Variants in KCNIP4 observed in about 807,000 individuals in gnomAD.
KCNIP4 encodes potassium voltage-gated channel interacting protein 4, also known as Kv channel-interacting protein 4.
Under a neutral mutation model 34.0 loss-of-function variants are expected in KCNIP4, and 12 were observed. That is an observed-to-expected ratio of 0.35 (90% CI 0.23 to 0.57). KCNIP4 has a LOEUF of 0.57. Ranked by LOEUF, KCNIP4 falls within the 20% of genes least tolerant of loss-of-function variation. KCNIP4 has a pLI of 0.83. For missense variants in KCNIP4, 238 were observed against 311.7 expected, an observed-to-expected ratio of 0.76 and a Z score of 1.78; for synonymous variants, 124 against 102.2, an observed-to-expected ratio of 1.21 and a Z score of -1.29.
chr4:21,073,301 T>G (rs1745153749), intron 1 of KCNIP4, among the ~76,000 whole-genome samples: 1 of 152,222 alleles, frequency 6.6e-6, no homozygotes, highest in African/African-American at 2.4e-5. Flanking sequence ...TTCCATTATT[T>G]GTATCCTCTT....
intron 1 of KCNIP4, among the ~76,000 whole-genome samples, chr4:21,815,634 A>T (rs1430009195): frequency 6.6e-6 from 1 of 152,170 alleles, no homozygotes; most frequent in Non-Finnish European, 1.5e-5. Flanking sequence ...AGACAGAAAA[A>T]AAATTGCTAT....
chr4:21,589,677 C>T (rs189560935), intron 1 of KCNIP4, among the ~76,000 whole-genome samples: 1 of 151,938 alleles, frequency 6.6e-6, no homozygotes, highest in Non-Finnish European at 1.5e-5. Flanking sequence ...CTTTAATTCT[C>T]TCTTATAGTC....
chr4:20,892,114 A>C (rs1725980005), intron 1 of KCNIP4, among the ~76,000 whole-genome samples: 1 of 152,174 alleles, frequency 6.6e-6, no homozygotes, highest in South Asian at 2.1e-4. Flanking sequence ...GAATATGAGG[A>C]AAATACCTAC....
chr4:21,444,706 A>C (rs1029037761), intron 1 of KCNIP4, among the ~76,000 whole-genome samples: 3 of 152,222 alleles, frequency 2.0e-5, no homozygotes, highest in Non-Finnish European at 4.4e-5. Flanking sequence ...TTCCCTTTGA[A>C]AACTGGCACA....
At chr4:21,059,610 G>A (rs1743738104) in intron 1 of KCNIP4, among the ~76,000 whole-genome samples, 1 of 152,032 alleles carries the variant, frequency 6.6e-6, no homozygotes, top group African/African-American at 2.4e-5. Flanking sequence ...TTACTGATCT[G>A]GGCCTGCTAT....
intron 1 of KCNIP4, among the ~76,000 whole-genome samples, chr4:21,052,798 A>G (rs1260667778): frequency 6.6e-6 from 1 of 152,100 alleles, no homozygotes; most frequent in African/African-American, 2.4e-5. Context: ...TGTGACCATC[A>G]CTGACTTGGC....
intron 1 of KCNIP4, among the ~76,000 whole-genome samples, chr4:21,396,162 A>T (rs546009004): frequency 3.2e-4 from 49 of 151,920 alleles, no homozygotes; most frequent in African/African-American, 1.2e-3. Flanking sequence ...TATAGTCTAT[A>T]TATACATATA....
chr4:21,225,152 C>G (rs1029403357), intron 1 of KCNIP4, among the ~76,000 whole-genome samples: 3 of 151,922 alleles, frequency 2.0e-5, no homozygotes, highest in African/African-American at 7.3e-5. Flanking sequence ...GGGGCATAAC[C>G]CTATTGTAAA....
In KCNIP4 at chr4:21,859,824, T is replaced by G. The variant is rs370403842; in HGVS notation, c.61+88747A>C. ...TGAGAAGATCGCTTGAGCCCGGGAG[T>G]TGGAGACTAGCCAGGCAACAGAGTG... On this transcript the variant is annotated intron_variant, in intron 1 of 8. Coordinates refer to ENST00000382152, the MANE Select transcript of KCNIP4 (RefSeq NM_025221.6). Among the ~76,000 whole-genome samples, 17 of 151,666 alleles carry G rather than the reference T, an allele frequency of 1.1e-4. No individual in the cohort carries two copies. The South Asian group carries it at 1.7e-3, about 15-fold the overall frequency.
chr4:21,020,082 A>C (rs544523930), intron 1 of KCNIP4, among the ~76,000 whole-genome samples: 3 of 152,254 alleles, frequency 2.0e-5, no homozygotes, highest in African/African-American at 7.2e-5. Context: ...TGTTTTCCAC[A>C]GTTTTTCATA....
At chr4:21,895,045 C>G (rs1560793843) in intron 1 of KCNIP4, among the ~76,000 whole-genome samples, 1 of 152,174 alleles carries the variant, frequency 6.6e-6, no homozygotes, top group Non-Finnish European at 1.5e-5. Flanking sequence ...AGTTGGGGGG[C>G]TTTCCATCCA....
intron 1 of KCNIP4, among the ~76,000 whole-genome samples, chr4:21,181,062 A>T (rs1754801790): frequency 6.6e-6 from 1 of 152,182 alleles, no homozygotes; most frequent in Non-Finnish European, 1.5e-5. Context: ...TTGGAACAAC[A>T]TGGACATTTA....
intron 1 of KCNIP4, among the ~76,000 whole-genome samples, chr4:21,556,922 G>GAA (rs1253971751): frequency 0.11 from 7,978 of 70,208 alleles, 574 homozygotes; most frequent in African/African-American, 0.14. Flanking sequence ...CTCCATCTCA[G>GAA]AAAAAAAAAA....
chr4:20,803,143 G>T (rs1274568931), intron 3 of KCNIP4, among the ~76,000 whole-genome samples: 1 of 149,876 alleles, frequency 6.7e-6, no homozygotes, highest in East Asian at 2.0e-4. Context: ...CAAAACCTAT[G>T]GGATGCAGCC....
intron 1 of KCNIP4, among the ~76,000 whole-genome samples, chr4:21,255,878 A>G (rs1006915085): frequency 1.3e-5 from 2 of 152,148 alleles, no homozygotes; most frequent in African/African-American, 4.8e-5. Flanking sequence ...TCATTCATTT[A>G]TTAATTCAAT....
chr4:21,305,136 A>G (rs1712306392), intron 1 of KCNIP4, among the ~76,000 whole-genome samples: 1 of 152,200 alleles, frequency 6.6e-6, no homozygotes, highest in African/African-American at 2.4e-5. Context: ...AAGCCAATTA[A>G]AGTCTCCTAT....
intron 1 of KCNIP4, among the ~76,000 whole-genome samples, chr4:21,886,906 G>A (rs1264869606): frequency 6.6e-6 from 1 of 152,076 alleles, no homozygotes; most frequent in African/African-American, 2.4e-5. Context: ...TTTTGCTTTA[G>A]AGAGTGTGAG....
intron 1 of KCNIP4, among the ~76,000 whole-genome samples, chr4:21,739,340 T>C (rs1326961162): frequency 6.6e-6 from 1 of 152,112 alleles, no homozygotes; most frequent in African/African-American, 2.4e-5. Flanking sequence ...GAATAAAGTA[T>C]ATAATTGCAT....
At position 21,341,535 on chromosome 4, in the gene KCNIP4, C is replaced by T. The variant is rs115172618; in HGVS notation, c.62-458826G>A. 5.8e-3 allele frequency among the ~76,000 whole-genome samples: 878 copies of T among 151,316 alleles called. 9 individuals are homozygous for T. Among genetic ancestry groups the T allele is most frequent in the African/African-American group, 0.02 (840 of 41,114 alleles). ...GAAATGCTAATCAAGTTTAATATTA[C>T]ATTTTAAATCATTTCCTTTCATTAA... On this transcript the variant is annotated intron_variant, in intron 1 of 8. Coordinates refer to ENST00000382152, the MANE Select transcript of KCNIP4 (RefSeq NM_025221.6).
Sources: allele counts gnomAD v4.1 joint callset (sites outside exome capture counted in the v4.1 genomes callset), GRCh38; gene constraint gnomAD v4.1.1; transcripts MANE v1.5; gene names NCBI Gene and HGNC (gene_info 2026-07-23, HGNC 2026-07-21).